KIAA0319L: variants seen among roughly 807,000 people sequenced by gnomAD.
KIAA0319L encodes KIAA0319 like.
Under a neutral mutation model 120.1 loss-of-function variants are expected in KIAA0319L, and 55 were observed. That is an observed-to-expected ratio of 0.46 (90% CI 0.37 to 0.57). The LOEUF (loss-of-function observed/expected upper bound fraction) is 0.57, where lower values mean the gene tolerates loss of function less well. Among genes scored for constraint, KIAA0319L ranks in the 20% least tolerant of loss-of-function variants. The probability of loss-of-function intolerance (pLI) is 0.00; values close to 1 mark genes in which losing one functional copy is unlikely to be tolerated. For synonymous variants in KIAA0319L, 398 were observed against 471.9 expected, an observed-to-expected ratio of 0.84 and a Z score of 2.03; for missense variants, 1,049 against 1,255.3, an observed-to-expected ratio of 0.84 and a Z score of 2.48.
intron 2 of KIAA0319L, among the ~76,000 whole-genome samples, chr1:35,509,551 C>T (rs1164433525): frequency 6.6e-6 from 1 of 152,220 alleles, no homozygotes; most frequent in African/African-American, 2.4e-5. Context: ...GGATTGACAG[C>T]AACCACTAGA....
intron 2 of KIAA0319L, among the ~76,000 whole-genome samples, chr1:35,526,000 T>C (rs1254398347): frequency 1.3e-5 from 2 of 152,040 alleles, no homozygotes; most frequent in Non-Finnish European, 2.9e-5. Context: ...CCATTTTGAG[T>C]TGATTTTTGT....
At chr1:35,435,683 C>T (rs1640730802) in intron 20 of KIAA0319L, 1 of 152,290 alleles carries the variant, frequency 6.6e-6, no homozygotes. Flanking sequence ...GAAGCAGTCC[C>T]AAGCAGCCAA....
intron 6 of KIAA0319L, among the ~76,000 whole-genome samples, chr1:35,470,272 T>A (rs910391893): frequency 2.6e-5 from 4 of 152,136 alleles, no homozygotes; most frequent in African/African-American, 9.6e-5. Context: ...ATGGGAGGAC[T>A]GCTTGAGACC....
chr1:35,443,401 G>T lies in KIAA0319L; in HGVS notation c.2657-373C>A, dbSNP rs558737823. ...TATTTAAGAAGACAGGCTGGGCATG[G>T]TAGCTCACACCTATAATCCCAGCAC... On this transcript the variant is annotated intron_variant, in intron 17 of 20. Coordinates refer to ENST00000325722, the MANE Select transcript of KIAA0319L (RefSeq NM_024874.5). 28 of 184,292 alleles carry T rather than the reference G, an allele frequency of 1.5e-4. No homozygotes were observed. The East Asian group carries it at 3.3e-3, about 22-fold the overall frequency. The allele number at this position is 184,292 out of a possible 1,614,324, so 11.4% of individuals were successfully genotyped here. A position where few individuals can be genotyped will look rare whatever the true frequency, so the allele number is the denominator to read the frequency against.
At chr1:35,520,120 TG>T (rs1009892048) in intron 2 of KIAA0319L, among the ~76,000 whole-genome samples, 7 of 151,914 alleles carry the variant, frequency 4.6e-5, no homozygotes, top group African/African-American at 1.7e-4. Flanking sequence ...TTTTTTTTTT[TG>T]AGACGGAGTC....
intron 3 of KIAA0319L, among the ~76,000 whole-genome samples, chr1:35,494,376 G>A (rs1157180023): frequency 1.3e-5 from 2 of 152,072 alleles, no homozygotes; most frequent in African/African-American, 2.4e-5. Flanking sequence ...TTGAACCCGG[G>A]AGGCGGAGGT....
At chr1:35,525,146 A>G (rs1280708844) in intron 2 of KIAA0319L, among the ~76,000 whole-genome samples, 2 of 152,144 alleles carry the variant, frequency 1.3e-5, no homozygotes, top group Admixed American at 1.3e-4. Context: ...AATGACCTCT[A>G]GTTCTATCCA....
In KIAA0319L at chr1:35,546,065, G is replaced by A. The variant is rs966345384; in HGVS notation, c.142+8285C>T. Among the ~76,000 whole-genome samples the A allele has an allele frequency of 2.6e-5, 4 of 152,140 alleles. 1 individual carries two copies. Among genetic ancestry groups the A allele is most frequent in the Admixed American group, 2.0e-4 (3 of 15,262 alleles). On this transcript the variant is annotated intron_variant, in intron 2 of 20. Coordinates refer to ENST00000325722, the MANE Select transcript of KIAA0319L (RefSeq NM_024874.5). ...GACATCTTGGCTGGAGATGTGCAGC[G>A]TACAGATGGCTAAGTGGTCTGGAGC...
At chr1:35,435,244 C>G in intron 20 of KIAA0319L, 163 bp from the exon 21 acceptor site, 1 of 643,794 alleles carries the variant, frequency 1.6e-6, no homozygotes, top group Non-Finnish European at 2.7e-6. Flanking sequence ...GTCCTTCTCC[C>G]GGGCCCAACT....
chr1:35,544,496 T>C (rs1318363467), intron 2 of KIAA0319L, among the ~76,000 whole-genome samples: 2 of 151,740 alleles, frequency 1.3e-5, no homozygotes, highest in Admixed American at 6.6e-5. Flanking sequence ...GCAGAGGATA[T>C]AGCAAAAATT....
intron 3 of KIAA0319L, among the ~76,000 whole-genome samples, chr1:35,498,796 CTTAATA>C (rs1486076702): frequency 6.6e-6 from 1 of 152,174 alleles, no homozygotes; most frequent in Non-Finnish European, 1.5e-5. Flanking sequence ...CTAGTTTCTA[CTTAATA>C]TTAAACAACA....
chr1:35,507,367 G>A (rs1319680299), intron 2 of KIAA0319L, among the ~76,000 whole-genome samples: 1 of 152,158 alleles, frequency 6.6e-6, no homozygotes, highest in East Asian at 1.9e-4. Flanking sequence ...CCTTCTCAAT[G>A]AGTTCCTGCC....
At position 35,456,015 on chromosome 1, in the gene KIAA0319L, G is replaced by C; in HGVS notation, c.1654C>G (p.Gln552Glu). 1.9e-6 allele frequency: 3 copies of C among 1,608,858 alleles called. No homozygotes were observed. The highest frequency in any genetic ancestry group is 2.6e-6 in the Non-Finnish European group (3 of 1,176,208). ...PSSKGKVVEMQGVRTPTLQLS... is the reference protein window; with the variant it reads ...PSSKGKVVEMEGVRTPTLQLS... ...AAATAGGAACCATTCCCTCCTACCTGCATCTCCACCACTTTCCCTTTGCTG... is the reference window on the plus strand; with the variant it reads ...AAATAGGAACCATTCCCTCCTACCTCCATCTCCACCACTTTCCCTTTGCTG... The change falls in exon 10 of 21, where the codon CAG becomes GAG. Residue 552 changes from glutamine (Q) to glutamate (E), a missense_variant and splice_region_variant. Gln to Glu is a conservative substitution (Grantham distance 29). Transcript: ENST00000325722.
intron 2 of KIAA0319L, among the ~76,000 whole-genome samples, chr1:35,541,992 C>T (rs759917891): frequency 6.6e-6 from 1 of 152,120 alleles, no homozygotes; most frequent in African/African-American, 2.4e-5. Context: ...TGAATGGAGG[C>T]CTACTTTCCC....
At chr1:35,509,022 G>T (rs959254595) in intron 2 of KIAA0319L, among the ~76,000 whole-genome samples, 7 of 152,130 alleles carry the variant, frequency 4.6e-5, no homozygotes, top group African/African-American at 1.7e-4. Flanking sequence ...CTGGACAACA[G>T]GCAGTGCAGG....
intron 20 of KIAA0319L, 83 bp from the exon 21 acceptor site, chr1:35,435,164 G>A: frequency 7.8e-7 from 1 of 1,283,520 alleles, no homozygotes; most frequent in Non-Finnish European, 1.1e-6. Flanking sequence ...AGCCTGAGGA[G>A]CCAAGGAACA....
Position 35,506,990 on chromosome 1 carries a change from A to C in KIAA0319L, c.288T>G (p.His96Gln). The C allele has an allele frequency of 1.9e-6, 3 of 1,613,466 alleles. No homozygotes were observed. The highest frequency in any genetic ancestry group is 2.5e-6 in the Non-Finnish European group (3 of 1,179,722). Residue 96 changes from histidine to glutamine, a missense_variant, in exon 3 of 21, where the codon CAT becomes CAG. By Grantham distance (24) the His-to-Gln change is conservative (BLOSUM62 0). Coordinates refer to ENST00000325722, the MANE Select transcript of KIAA0319L (RefSeq NM_024874.5). This position sits in a 1 kb window ranked among gnomAD's most constrained non-coding sequence, Gnocchi z 4.0. ...ACATCCCTTCTAGCCACCAAAAGACATGGCAGGCAGAGTCCTGGCAGCAGG... is the reference window on the plus strand; with the variant it reads ...ACATCCCTTCTAGCCACCAAAAGACCTGGCAGGCAGAGTCCTGGCAGCAGG... ...WAACCQDSAC[H>Q]VFWWLEGMCI...
rs565665582 is a variant in KIAA0319L at position 35,470,883 on chromosome 1, G to A, written c.1093C>T (p.Gln365Ter). The A allele has an allele frequency of 6.2e-7, 1 of 1,611,240 alleles. No individual in the cohort carries two copies. The highest frequency in any genetic ancestry group is 1.1e-5 in the South Asian group (1 of 91,022). ...TTCACCTTCGATAGTTTGAGGATCT[G>A]GGAATGTTTCCCTTCCATTTCTCCA... ...YSGEMEGKHSQILKLSKLTPG... is the reference protein window; with the variant it reads ...YSGEMEGKHS The change falls in exon 6 of 21, where the codon CAG (glutamine) becomes TAG (stop). Residue 365 changes from glutamine (Q) to a stop codon, truncating the protein, a stop_gained. Coordinates refer to ENST00000325722, the MANE Select transcript of KIAA0319L (RefSeq NM_024874.5). LOFTEE classifies it high-confidence loss of function.
intron 2 of KIAA0319L, among the ~76,000 whole-genome samples, chr1:35,536,991 G>C (rs985973664): frequency 1.3e-5 from 2 of 152,096 alleles, no homozygotes; most frequent in African/African-American, 4.8e-5. Context: ...GGAGAATGCT[G>C]TCAGCAAGGA....
Sources: gnomAD v4.1 joint callset for allele counts (sites outside exome capture counted in the v4.1 genomes callset) on GRCh38, gnomAD v4.1.1 for gene constraint, Gnocchi (gnomAD v3.1) non-coding constraint, MANE v1.5 for transcripts, NCBI Gene and HGNC (gene_info 2026-07-23, HGNC 2026-07-21) for gene names.